The following RANBP2 variants were observed in gnomAD, a reference collection of about 807,000 sequenced individuals.
The protein encoded by RANBP2 is E3 SUMO-protein ligase RanBP2.
RANBP2 carries 57 observed loss-of-function variants against 303.6 expected under a neutral mutation model. That is an observed-to-expected ratio of 0.19 (90% CI 0.15 to 0.23). The LOEUF (loss-of-function observed/expected upper bound fraction) is 0.23. Among genes scored for constraint, RANBP2 ranks in the 10% least tolerant of loss-of-function variants. The probability of loss-of-function intolerance (pLI) is 1.00; values close to 1 mark genes in which losing one functional copy is unlikely to be tolerated. For synonymous variants in RANBP2, 1,167 were observed against 1,301.5 expected (o/e 0.90, Z 2.23); for missense variants, 3,138 against 3,780.8 (o/e 0.83, Z 4.46).
At chr2:108,874,850 T>G in the RANBP2 span, among the ~76,000 whole-genome samples, 1 of 152,178 alleles carries the variant, frequency 6.6e-6, no homozygotes, top group East Asian at 1.9e-4. Context: ...CCTATTGCAG[T>G]TACCTTATGG....
At chr2:109,499,564 G>A in the RANBP2 span, among the ~76,000 whole-genome samples, 1 of 152,218 alleles carries the variant, frequency 6.6e-6, no homozygotes, top group South Asian at 2.1e-4. Flanking sequence ...GGCAGAGGGA[G>A]GCCCAGCTAG....
the RANBP2 span, among the ~76,000 whole-genome samples, chr2:109,416,714 AGCAAGAC>A: frequency 1.3e-5 from 2 of 151,880 alleles, no homozygotes; most frequent in African/African-American, 2.4e-5. Context: ...TGGGTGACAG[AGCAAGAC>A]TCTGTCTCAA....
the RANBP2 span, among the ~76,000 whole-genome samples, chr2:109,387,811 G>A: frequency 6.6e-6 from 1 of 152,156 alleles, no homozygotes; most frequent in African/African-American, 2.4e-5. Context: ...GCCTGCAGTA[G>A]GTGCCCAATT....
At chr2:108,833,417 ATC>A in the RANBP2 span, among the ~76,000 whole-genome samples, 2 of 152,168 alleles carry the variant, frequency 1.3e-5, no homozygotes, top group African/African-American at 4.8e-5. Context: ...TAAAAACAAG[ATC>A]TGTTAGTTTA....
At chr2:108,928,438 C>T in the RANBP2 span, among the ~76,000 whole-genome samples, 4 of 152,170 alleles carry the variant, frequency 2.6e-5, no homozygotes, top group Non-Finnish European at 5.9e-5. Flanking sequence ...CCCCACTGGC[C>T]TCATCACTGC....
intron 4 of RANBP2, among the ~76,000 whole-genome samples, chr2:108,732,691 C>T (rs540121135): frequency 7.2e-5 from 11 of 152,320 alleles, no homozygotes; most frequent in South Asian, 6.2e-4. Flanking sequence ...CATGCTGCCC[C>T]TTTTGTAGTG....
the RANBP2 span, among the ~76,000 whole-genome samples, chr2:108,947,039 A>G: frequency 1.3e-5 from 2 of 152,346 alleles, no homozygotes; most frequent in African/African-American, 4.8e-5. Context: ...AATCAAAAGC[A>G]AGTTAGTTAC....
chr2:109,218,934 G>A, the RANBP2 span, among the ~76,000 whole-genome samples: 2 of 152,222 alleles, frequency 1.3e-5, no homozygotes, highest in Non-Finnish European at 2.9e-5. Flanking sequence ...TCCCTGCACG[G>A]ACCAGGCTTG....
chr2:109,511,064 G>A, the RANBP2 span, among the ~76,000 whole-genome samples: 1 of 152,202 alleles, frequency 6.6e-6, no homozygotes, highest in African/African-American at 2.4e-5. Flanking sequence ...TTTCACAGAT[G>A]GGGAAACTGA....
At chr2:109,687,944 G>T in the RANBP2 span, among the ~76,000 whole-genome samples, 10 of 151,956 alleles carry the variant, frequency 6.6e-5, no homozygotes, top group Non-Finnish European at 7.4e-5. Context: ...TGGGCTTTTC[G>T]CCATGTTGCC....
the RANBP2 span, among the ~76,000 whole-genome samples, chr2:108,928,169 G>T: frequency 1.3e-5 from 2 of 152,124 alleles, no homozygotes; most frequent in Admixed American, 6.5e-5. Flanking sequence ...TACAACTCTT[G>T]CTCTGGCCAC....
the RANBP2 span, among the ~76,000 whole-genome samples, chr2:109,464,440 C>T: frequency 0.016 from 2,461 of 152,170 alleles, 50 homozygotes; most frequent in African/African-American, 0.054. Context: ...CACACATTCG[C>T]GTACATATAA....
the RANBP2 span, among the ~76,000 whole-genome samples, chr2:109,031,598 G>A: frequency 6.6e-6 from 1 of 152,170 alleles, no homozygotes; most frequent in Admixed American, 6.5e-5. Context: ...GGCGAGGAGG[G>A]CGCAGTGAAG....
the RANBP2 span, among the ~76,000 whole-genome samples, chr2:109,179,819 A>C: frequency 6.6e-6 from 1 of 152,226 alleles, no homozygotes; most frequent in African/African-American, 2.4e-5. Context: ...TGGGGGACAC[A>C]TTCAAACCAT....
chr2:108,863,142 A>G, the RANBP2 span, among the ~76,000 whole-genome samples: 2 of 152,190 alleles, frequency 1.3e-5, no homozygotes, highest in African/African-American at 2.4e-5. Flanking sequence ...CTTGATTTGA[A>G]CAACATAATT....
chr2:109,222,144 A>G, the RANBP2 span, among the ~76,000 whole-genome samples: 1 of 147,474 alleles, frequency 6.8e-6, no homozygotes, highest in Admixed American at 6.7e-5. Context: ...AAGCTAAAAA[A>G]GGTGCTCGCA....
At chr2:109,293,085 G>A in the RANBP2 span, among the ~76,000 whole-genome samples, 1 of 152,300 alleles carries the variant, frequency 6.6e-6, no homozygotes, top group East Asian at 1.9e-4. Flanking sequence ...CCCTGCACAA[G>A]CAGGAAGGAC....
the RANBP2 span, among the ~76,000 whole-genome samples, chr2:108,803,423 A>G: frequency 3.9e-5 from 6 of 152,058 alleles, no homozygotes; most frequent in Non-Finnish European, 8.8e-5. Context: ...TTAGAGCTTT[A>G]GTGGAAATTA....
chr2:109,448,499 G>A, the RANBP2 span, among the ~76,000 whole-genome samples: 2 of 152,136 alleles, frequency 1.3e-5, no homozygotes, highest in Non-Finnish European at 2.9e-5. Flanking sequence ...CACATTAGCA[G>A]CGGCATTAGG....
Sources: allele counts gnomAD v4.1 joint callset (sites outside exome capture counted in the v4.1 genomes callset), GRCh38; gene constraint gnomAD v4.1.1; transcripts MANE v1.5; gene names NCBI Gene and HGNC (gene_info 2026-07-23, HGNC 2026-07-21).